CNTLN: variants seen among roughly 807,000 people sequenced by gnomAD.
The protein encoded by CNTLN is centlein.
Under a neutral mutation model 180.0 loss-of-function variants are expected in CNTLN, and 212 were observed. The ratio of observed to expected loss-of-function variants is 1.18; its 90% CI spans 1.05 to 1.32. The LOEUF is 1.32. CNTLN is among the 40% of genes most tolerant of loss of function. CNTLN has a pLI of 0.00. For missense variants in CNTLN, 2,095 were observed against 1,610.9 expected (o/e 1.30, Z -5.14); for synonymous variants, 722 against 563.1 (o/e 1.28, Z -3.99).
intron 1 of CNTLN, among the ~76,000 whole-genome samples, chr9:17,139,161 C>T (rs1230012288): frequency 6.6e-6 from 1 of 152,002 alleles, no homozygotes; most frequent in African/African-American, 2.4e-5. Context: ...AATATGGGCT[C>T]ACTGTAACCT....
At chr9:17,157,275 C>G (rs921385679) in intron 2 of CNTLN, among the ~76,000 whole-genome samples, 1 of 152,138 alleles carries the variant, frequency 6.6e-6, no homozygotes, top group Non-Finnish European at 1.5e-5. Context: ...ACAATCAATA[C>G]GTACCAAATA....
intron 11 of CNTLN, among the ~76,000 whole-genome samples, 173 bp from the exon 12 acceptor site, chr9:17,342,152 A>G (rs546776665): frequency 5.9e-5 from 9 of 152,290 alleles, no homozygotes; most frequent in African/African-American, 1.9e-4. Flanking sequence ...AAAAATTATG[A>G]TAGAGGGTTT....
chr9:17,258,694 C>G lies in CNTLN; in HGVS notation c.850-15039C>G, dbSNP rs981602118. Reference sequence around the variant, plus strand: ...CTCCTTGAAGAGGTCCTTCACATCCCTTGTAATTTGGATTCCTAGGTATTT... The same window carrying G: ...CTCCTTGAAGAGGTCCTTCACATCCGTTGTAATTTGGATTCCTAGGTATTT... On this transcript the variant is annotated intron_variant, in intron 5 of 25. Transcript: ENST00000380647. Among the ~76,000 whole-genome samples, 484 of 147,682 alleles carry G rather than the reference C, an allele frequency of 3.3e-3. 7 individuals are homozygous for G. The highest frequency in any genetic ancestry group is 0.012 in the African/African-American group (467 of 38,548).
intron 12 of CNTLN, among the ~76,000 whole-genome samples, chr9:17,356,453 T>C (rs1822858144): frequency 1.3e-5 from 2 of 152,224 alleles, no homozygotes; most frequent in Admixed American, 1.3e-4. Flanking sequence ...TTTCTATGTC[T>C]TGAATGCTTC....
At chr9:17,267,857 G>A (rs1231025158) in intron 5 of CNTLN, among the ~76,000 whole-genome samples, 3 of 151,932 alleles carry the variant, frequency 2.0e-5, no homozygotes, top group Admixed American at 6.6e-5. Context: ...TGCAGTCCAC[G>A]TAGCTCTTGT....
At chr9:17,473,236 A>G (rs577741528) in intron 23 of CNTLN, among the ~76,000 whole-genome samples, 1 of 152,240 alleles carries the variant, frequency 6.6e-6, no homozygotes, top group East Asian at 1.9e-4. Flanking sequence ...CAGGCTCCAC[A>G]TTTCCCAGTC....
At chr9:17,408,485 C>T (rs1827582374) in intron 15 of CNTLN, among the ~76,000 whole-genome samples, 1 of 152,008 alleles carries the variant, frequency 6.6e-6, no homozygotes, top group South Asian at 2.1e-4. Context: ...TTCACTACTG[C>T]CTTAGCCTTC....
At position 17,235,590 on chromosome 9, in the gene CNTLN, C is replaced by A. The variant is rs563283677; in HGVS notation, c.535-68C>A. On this transcript the variant is annotated intron_variant, in intron 3 of 25. Transcript: ENST00000380647. ...CACATTAGCAAATCAAAATGTAAAACCTTTAAAATAAAATACTGTTTTTCT... is the reference window on the plus strand; with the variant it reads ...CACATTAGCAAATCAAAATGTAAAAACTTTAAAATAAAATACTGTTTTTCT... The A allele has an allele frequency of 2.5e-5, 32 of 1,288,066 alleles. No individual in the cohort carries two copies. The Admixed American group carries it at 6.8e-4, about 27-fold the overall frequency. 79.8% of individuals were successfully genotyped at this position (1,288,066 alleles called of 1,614,324 possible).
chr9:17,338,755 C>G (rs770998672), intron 10 of CNTLN, among the ~76,000 whole-genome samples: 12 of 152,030 alleles, frequency 7.9e-5, no homozygotes, highest in Non-Finnish European at 1.8e-4. Flanking sequence ...CTAAATTATT[C>G]TCTATGTCTT....
chr9:17,361,866 A>C (rs1823419642), intron 12 of CNTLN, among the ~76,000 whole-genome samples: 1 of 152,186 alleles, frequency 6.6e-6, no homozygotes, highest in African/African-American at 2.4e-5. Context: ...TCCAGTAAGA[A>C]ATAGATTTTA....
intron 18 of CNTLN, chr9:17,448,635 ACAGATAATG>A (rs1830593868): frequency 6.6e-6 from 1 of 152,162 alleles, no homozygotes; most frequent in Non-Finnish European, 1.5e-5. Flanking sequence ...TTACTTAGAT[ACAGATAATG>A]CTGTTAACAT....
At chr9:17,160,055 T>A (rs7036370) in intron 2 of CNTLN, among the ~76,000 whole-genome samples, 2,885 of 152,332 alleles carry the variant, frequency 0.019, 56 homozygotes, top group African/African-American at 0.05. Flanking sequence ...AGATTGTGAA[T>A]TCACTGACTT....
At position 17,399,513 on chromosome 9, in the gene CNTLN, ACTTTT is replaced by A. The variant is rs1826802744; in HGVS notation, c.2615+4450_2615+4454del. 4.6e-5 allele frequency among the ~76,000 whole-genome samples: 7 copies of A among 152,216 alleles called. No homozygotes were observed. The South Asian group carries it at 1.5e-3, about 32-fold the overall frequency. On this transcript the variant is annotated intron_variant, in intron 15 of 25. Transcript: ENST00000380647. ...TTTTACAAGAAACTGATGCTCTTTG[ACTTTT>A]CTTTTTCTTTTTGCTTCAGGAATAT...
At chr9:17,455,459 G>A (rs1240808004) in intron 18 of CNTLN, among the ~76,000 whole-genome samples, 1 of 152,150 alleles carries the variant, frequency 6.6e-6, no homozygotes, top group East Asian at 1.9e-4. Flanking sequence ...TTAGAAGAAT[G>A]TATTTATTGA....
At chr9:17,271,612 C>T (rs1052536930) in intron 5 of CNTLN, among the ~76,000 whole-genome samples, 6 of 152,248 alleles carry the variant, frequency 3.9e-5, no homozygotes, top group African/African-American at 1.2e-4. Flanking sequence ...GCCTATCTTT[C>T]TTGTAGTCTG....
At chr9:17,501,959 T>A (rs1372658175) in intron 25 of CNTLN, among the ~76,000 whole-genome samples, 1 of 152,212 alleles carries the variant, frequency 6.6e-6, no homozygotes, top group Non-Finnish European at 1.5e-5. Context: ...ATATAAATTA[T>A]GAAATTTAAA....
At chr9:17,205,974 T>G (rs1411806496) in intron 2 of CNTLN, among the ~76,000 whole-genome samples, 3 of 152,006 alleles carry the variant, frequency 2.0e-5, no homozygotes, top group African/African-American at 7.3e-5. Flanking sequence ...ATGGTATAAT[T>G]AATGAGAATA....
intron 6 of CNTLN, among the ~76,000 whole-genome samples, chr9:17,277,677 T>C (rs1363512052): frequency 2.0e-5 from 3 of 152,142 alleles, no homozygotes; most frequent in African/African-American, 4.8e-5. Context: ...AAGTTTATCA[T>C]GCTTGGTGGA....
intron 6 of CNTLN, among the ~76,000 whole-genome samples, chr9:17,294,555 A>G (rs972692691): frequency 8.6e-5 from 13 of 150,794 alleles, no homozygotes; most frequent in African/African-American, 3.2e-4. Context: ...TGTGTTTACA[A>G]TCCCTTAGCT....
Sources: gnomAD v4.1 joint callset for allele counts (sites outside exome capture counted in the v4.1 genomes callset) on GRCh38, gnomAD v4.1.1 for gene constraint, MANE v1.5 for transcripts, NCBI Gene and HGNC (gene_info 2026-07-23, HGNC 2026-07-21) for gene names.